SLC30A9: variants seen among roughly 807,000 people sequenced by gnomAD.
The protein encoded by SLC30A9 is proton-coupled zinc antiporter SLC30A9, mitochondrial.
A neutral mutation model predicts 87.5 loss-of-function variants in SLC30A9; 58 were observed. That is an observed-to-expected ratio of 0.66 (90% CI 0.54 to 0.82). The LOEUF (loss-of-function observed/expected upper bound fraction) is 0.82. Among genes scored for constraint, SLC30A9 ranks in the 40% least tolerant of loss-of-function variants. The pLI is 0.00. For missense variants in SLC30A9, 557 were observed against 679.1 expected, an observed-to-expected ratio of 0.82 and a Z score of 2.00; for synonymous variants, 234 against 233.0, an observed-to-expected ratio of 1.00 and a Z score of -0.04.
intron 1 of SLC30A9, among the ~76,000 whole-genome samples, chr4:42,000,514 T>C (rs17445612): frequency 0.048 from 7,333 of 152,166 alleles, 250 homozygotes; most frequent in African/African-American, 0.077. Context: ...CAACAGTTTC[T>C]CAAATAAGTA....
chr4:42,061,350 C>T (rs1295736710), intron 10 of SLC30A9, among the ~76,000 whole-genome samples: 1 of 152,046 alleles, frequency 6.6e-6, no homozygotes, highest in African/African-American at 2.4e-5. Flanking sequence ...GCTAGTGGCT[C>T]ATCATATTGG....
In SLC30A9 at chr4:42,075,775, C is replaced by T; in HGVS notation, c.1537C>T (p.Gln513Ter). ...ATATTTGGAAAAACAAGATTTTGAC[C>T]AAATGTTACAAGTAAGTTTATTTGT... ...RSYLEKQDFD[Q>*]MLQEIQEVKT... Residue 513 changes from glutamine to a stop codon, truncating the protein, a stop_gained, in exon 16 of 18, where the codon CAA becomes TAA. Coordinates refer to ENST00000264451, the MANE Select transcript of SLC30A9 (RefSeq NM_006345.4). LOFTEE classifies it high-confidence loss of function. The T allele has an allele frequency of 6.2e-7, 1 of 1,608,886 alleles. No homozygotes were observed. Among genetic ancestry groups the T allele is most frequent in the Non-Finnish European group, 8.5e-7 (1 of 1,176,126 alleles).
chr4:41,998,680 G>GAT lies in SLC30A9; in HGVS notation c.110-2935_110-2934dup, dbSNP rs928346348. 5.3e-4 allele frequency among the ~76,000 whole-genome samples: 80 copies of GAT among 152,244 alleles called. 1 individual carries two copies. The highest frequency in any genetic ancestry group is 4.6e-3 in the Admixed American group (70 of 15,272). ...GGGGTTTCACTATGTTGGCCAGGCTGATCTCGAACTCCTGACCTCGTGACC... is the reference window on the plus strand; with the variant it reads ...GGGGTTTCACTATGTTGGCCAGGCTGATATCTCGAACTCCTGACCTCGTGACC... On this transcript the variant is annotated intron_variant, in intron 1 of 17. Transcript: ENST00000264451.
chr4:42,025,848 G>A (rs1012602723), intron 6 of SLC30A9, among the ~76,000 whole-genome samples: 1 of 152,054 alleles, frequency 6.6e-6, no homozygotes, highest in African/African-American at 2.4e-5. Context: ...TGTATTTTTA[G>A]TAGAGACAGG....
chr4:42,079,315 T>C (rs1718672334), intron 17 of SLC30A9, among the ~76,000 whole-genome samples: 1 of 151,080 alleles, frequency 6.6e-6, no homozygotes, highest in South Asian at 2.1e-4. Context: ...TTTTTTTAAC[T>C]AAGAATCTCA....
chr4:42,047,466 A>G (rs1717209379), intron 8 of SLC30A9, among the ~76,000 whole-genome samples: 1 of 152,220 alleles, frequency 6.6e-6, no homozygotes, highest in Non-Finnish European at 1.5e-5. Flanking sequence ...CAGCCAACAA[A>G]CATATGGAAA....
intron 2 of SLC30A9, among the ~76,000 whole-genome samples, chr4:42,015,952 TC>T (rs927277596): frequency 6.6e-6 from 1 of 152,080 alleles, no homozygotes; most frequent in African/African-American, 2.4e-5. Flanking sequence ...TGTAGAGTAA[TC>T]AAAATAACTG....
intron 17 of SLC30A9, among the ~76,000 whole-genome samples, chr4:42,080,058 T>C (rs1442421019): frequency 6.6e-6 from 1 of 152,218 alleles, no homozygotes; most frequent in African/African-American, 2.4e-5. Context: ...CCTTCAGTTG[T>C]AGTGATTTGA....
At position 42,042,623 on chromosome 4, in the gene SLC30A9, G is replaced by A. The variant is rs115491690; in HGVS notation, c.737+3570G>A. 8.9e-3 allele frequency among the ~76,000 whole-genome samples: 1,358 copies of A among 152,286 alleles called. 22 individuals are homozygous for A. Among genetic ancestry groups the A allele is most frequent in the African/African-American group, 0.031 (1,305 of 41,550 alleles). ...TCATCTCTCTGGGACAGAAAACTTG[G>A]GGGTAGGGGCGGCTGTGGGCGCAGC... is the stretch of plus-strand genomic sequence containing the variant. On this transcript the variant is annotated intron_variant, in intron 8 of 17. Transcript: ENST00000264451.
intron 15 of SLC30A9, among the ~76,000 whole-genome samples, chr4:42,071,784 T>A (rs1718319757): frequency 2.6e-5 from 4 of 152,212 alleles, no homozygotes; most frequent in African/African-American, 9.6e-5. Context: ...GTGATGTTTT[T>A]GTCTGGTTTT....
At position 42,062,968 on chromosome 4, in the gene SLC30A9, T is replaced by A. The variant is rs1717925513; in HGVS notation, c.897-18T>A. The A allele has an allele frequency of 6.2e-7, 1 of 1,605,234 alleles. No homozygotes were observed. Among genetic ancestry groups the A allele is most frequent in the Admixed American group, 1.7e-5 (1 of 59,546 alleles). ...CCATTTGTATTTCTTGCGAACTATA[T>A]TCTTTTCTATTTTTCAGGTACGGAT... On this transcript the variant is annotated intron_variant, in intron 10 of 17. Coordinates refer to ENST00000264451, the MANE Select transcript of SLC30A9 (RefSeq NM_006345.4).
chr4:42,054,796 C>A (rs559405964), intron 9 of SLC30A9, among the ~76,000 whole-genome samples: 1 of 151,838 alleles, frequency 6.6e-6, no homozygotes, highest in Non-Finnish European at 1.5e-5. Flanking sequence ...CCACCGCACC[C>A]GGCCAGGAAT....
At chr4:42,018,280 A>AT (rs1433492041) in intron 3 of SLC30A9, 110 bp downstream of exon 3, 7 of 752,130 alleles carry the variant, frequency 9.3e-6, no homozygotes, top group African/African-American at 1.8e-5. Context: ...AGTATAGTTT[A>AT]TTTTTTACTT....
At chr4:42,036,680 G>A (rs1256030188) in intron 7 of SLC30A9, among the ~76,000 whole-genome samples, 1 of 152,174 alleles carries the variant, frequency 6.6e-6, no homozygotes, top group Admixed American at 6.5e-5. Flanking sequence ...GATAATTTTA[G>A]CCAAATCTTA....
chr4:42,032,302 C>T (rs1716480866), intron 6 of SLC30A9, among the ~76,000 whole-genome samples: 1 of 152,042 alleles, frequency 6.6e-6, no homozygotes, highest in South Asian at 2.1e-4. Flanking sequence ...CACCAGCCCT[C>T]TTCGAAAAAA....
chr4:42,082,469 A>AT (rs1011095746), intron 17 of SLC30A9, among the ~76,000 whole-genome samples: 25 of 152,308 alleles, frequency 1.6e-4, no homozygotes, highest in African/African-American at 5.3e-4. Flanking sequence ...GGTCACACTC[A>AT]TTTATATAAT....
intron 2 of SLC30A9, among the ~76,000 whole-genome samples, chr4:42,016,803 A>G (rs1848181): frequency 0.061 from 29 of 476 alleles, no homozygotes; most frequent in Admixed American, 0.19. Context: ...TGGTCTATCT[A>G]TCTATCTATC....
intron 6 of SLC30A9, among the ~76,000 whole-genome samples, chr4:42,026,713 C>CTTTTTTTTTTTTTTTTTTTT (rs1168719605): frequency 1.3e-5 from 1 of 74,488 alleles, no homozygotes; most frequent in African/African-American, 2.8e-5. Flanking sequence ...AAGTTTGTTC[C>CTTTTTTTTTTTTTTTTTTTT]TTTTTTTTTT....
chr4:41,990,535 G>T lies in SLC30A9; in HGVS notation c.-117G>T. The T allele has an allele frequency of 1.7e-6, 1 of 594,088 alleles. No individual in the cohort carries two copies. The highest frequency in any genetic ancestry group is 2.9e-6 in the Non-Finnish European group (1 of 345,290). The allele number at this position is 594,088 out of a possible 1,614,324, so 36.8% of individuals were successfully genotyped here. The stretch of plus-strand genomic sequence containing the variant: ...TTGCCGTTTCCGGGTCACCCAGGCA[G>T]CTTGTGGCGGCGAAGCCATCGGTGT... On this transcript the variant is annotated 5_prime_UTR_variant, in exon 1 of 18. Coordinates refer to ENST00000264451, the MANE Select transcript of SLC30A9 (RefSeq NM_006345.4).
Sources: gnomAD v4.1 joint callset for allele counts (sites outside exome capture counted in the v4.1 genomes callset) on GRCh38, gnomAD v4.1.1 for gene constraint, MANE v1.5 for transcripts, NCBI Gene and HGNC (gene_info 2026-07-23, HGNC 2026-07-21) for gene names.